The following CDH12 variants were observed in gnomAD, a reference collection of about 807,000 sequenced individuals.
CDH12 encodes the protein cadherin 12, also known as cadherin-12.
A neutral mutation model predicts 74.1 loss-of-function variants in CDH12; 41 were observed. That is an observed-to-expected ratio of 0.55 (90% confidence interval 0.43 to 0.72). The LOEUF (loss-of-function observed/expected upper bound fraction) is 0.72, where lower values mean the gene tolerates loss of function less well. Ranked by LOEUF, CDH12 falls within the 30% of genes least tolerant of loss-of-function variation. The pLI, the probability that CDH12 is intolerant of heterozygous loss-of-function variation, is 0.00. For synonymous variants in CDH12, 399 were observed against 355.0 expected (o/e 1.12, Z -1.39); for missense variants, 945 against 977.2 (o/e 0.97, Z 0.44).
chr5:22,197,761 C>A (rs1448482237), intron 4 of CDH12, among the ~76,000 whole-genome samples: 1 of 152,018 alleles, frequency 6.6e-6, no homozygotes, highest in Non-Finnish European at 1.5e-5. Context: ...GGCTCAATGT[C>A]TCCCAAGATG....
intron 4 of CDH12, among the ~76,000 whole-genome samples, chr5:22,119,611 C>T (rs1220289515): frequency 6.6e-6 from 1 of 152,030 alleles, no homozygotes; most frequent in African/African-American, 2.4e-5. Flanking sequence ...TCTTAAGATG[C>T]ATTGGAAGGA....
chr5:22,179,209 A>G (rs1749503293), intron 4 of CDH12, among the ~76,000 whole-genome samples: 1 of 152,184 alleles, frequency 6.6e-6, no homozygotes, highest in South Asian at 2.1e-4. Flanking sequence ...ATCTATGTAC[A>G]TGGACATGTA....
intron 1 of CDH12, among the ~76,000 whole-genome samples, chr5:22,554,961 G>A (rs1028744295): frequency 1.3e-5 from 2 of 151,990 alleles, no homozygotes; most frequent in Non-Finnish European, 2.9e-5. Context: ...ACAAAAAGCT[G>A]TTTACCCAAA....
At chr5:22,832,983 A>T (rs1207208920) in intron 1 of CDH12, among the ~76,000 whole-genome samples, 1 of 152,192 alleles carries the variant, frequency 6.6e-6, no homozygotes, top group African/African-American at 2.4e-5. Context: ...CATTTTCAAA[A>T]TTCAAAATTT....
chr5:21,782,994 T>A (rs868403594), intron 11 of CDH12, among the ~76,000 whole-genome samples: 4 of 152,238 alleles, frequency 2.6e-5, no homozygotes, highest in South Asian at 2.1e-4. Context: ...ATGGGTGATT[T>A]TACATGATAA....
At position 22,287,882 on chromosome 5, in the gene CDH12, G is replaced by T. The variant is rs190584697; in HGVS notation, c.-332-75239C>A. 1.3e-3 allele frequency among the ~76,000 whole-genome samples: 203 copies of T among 152,198 alleles called. 1 individual carries two copies. Among genetic ancestry groups the T allele is most frequent in the Admixed American group, 4.1e-3 (62 of 15,300 alleles). On this transcript the variant is annotated intron_variant, in intron 3 of 14. Transcript: ENST00000382254. Reference sequence around the variant, plus strand: ...GTTATCAAGATGATGCTTACTAACAGGTTTCTAGAGAAGGGTGTCCATTTC... The same window carrying T: ...GTTATCAAGATGATGCTTACTAACATGTTTCTAGAGAAGGGTGTCCATTTC...
At chr5:22,356,806 T>G (rs1740580809) in intron 3 of CDH12, among the ~76,000 whole-genome samples, 1 of 152,146 alleles carries the variant, frequency 6.6e-6, no homozygotes, top group East Asian at 1.9e-4. Context: ...CTTGGTAAGA[T>G]GAACTGTGTT....
intron 3 of CDH12, among the ~76,000 whole-genome samples, chr5:22,235,774 G>A (rs979172840): frequency 7.9e-5 from 12 of 152,234 alleles, no homozygotes; most frequent in South Asian, 4.1e-4. Flanking sequence ...ATAAGGAAAA[G>A]TTCATACAGT....
At chr5:22,422,683 A>T (rs1743706693) in intron 2 of CDH12, among the ~76,000 whole-genome samples, 1 of 152,170 alleles carries the variant, frequency 6.6e-6, no homozygotes, top group African/African-American at 2.4e-5. Context: ...CTTAAATTCA[A>T]ATATGTGCCA....
intron 4 of CDH12, among the ~76,000 whole-genome samples, chr5:22,107,113 G>A (rs1165383457): frequency 6.6e-6 from 1 of 150,898 alleles, no homozygotes; most frequent in Non-Finnish European, 1.5e-5. Flanking sequence ...TTGGGACAAT[G>A]CCACAATGCC....
chr5:21,851,533 AC>A (rs1409581150), intron 7 of CDH12, among the ~76,000 whole-genome samples: 1 of 150,982 alleles, frequency 6.6e-6, no homozygotes, highest in African/African-American at 2.4e-5. Context: ...AGTATAATAA[AC>A]ATAATTGTTT....
intron 8 of CDH12, among the ~76,000 whole-genome samples, chr5:21,832,080 A>T (rs930458860): frequency 2.0e-5 from 3 of 152,134 alleles, no homozygotes; most frequent in Admixed American, 1.3e-4. Flanking sequence ...AATTTTAAGC[A>T]TTATTTAATA....
At chr5:21,990,514 G>A (rs1309966736) in intron 5 of CDH12, among the ~76,000 whole-genome samples, 1 of 151,638 alleles carries the variant, frequency 6.6e-6, no homozygotes, top group African/African-American at 2.4e-5. Flanking sequence ...AGAGAATTTG[G>A]CTTCACAGTT....
intron 5 of CDH12, among the ~76,000 whole-genome samples, chr5:21,976,839 A>G (rs1021454380): frequency 1.3e-5 from 2 of 152,212 alleles, no homozygotes; most frequent in African/African-American, 2.4e-5. Flanking sequence ...CACACACACA[A>G]AAACTCTGAA....
At chr5:22,518,860 A>T (rs1359019863) in intron 1 of CDH12, among the ~76,000 whole-genome samples, 1 of 152,160 alleles carries the variant, frequency 6.6e-6, no homozygotes, top group Non-Finnish European at 1.5e-5. Context: ...GAGAGAAAGT[A>T]CAGGAATTGG....
chr5:22,108,133 A>G (rs1744596062), intron 4 of CDH12, among the ~76,000 whole-genome samples: 2 of 152,182 alleles, frequency 1.3e-5, no homozygotes, highest in South Asian at 4.1e-4. Flanking sequence ...CCAGGAGGAG[A>G]TAACTGAATC....
At chr5:22,316,551 C>T (rs892680531) in intron 3 of CDH12, among the ~76,000 whole-genome samples, 3 of 151,954 alleles carry the variant, frequency 2.0e-5, no homozygotes, top group Non-Finnish European at 4.4e-5. Flanking sequence ...CAAAAACAAC[C>T]AAATACATGA....
At chr5:22,451,648 T>G (rs1745050514) in intron 2 of CDH12, among the ~76,000 whole-genome samples, 1 of 151,990 alleles carries the variant, frequency 6.6e-6, no homozygotes, top group Admixed American at 6.6e-5. Flanking sequence ...CTATAAGATC[T>G]GGAATGAGAC....
At chr5:22,008,411 T>C (rs1737091008) in intron 5 of CDH12, among the ~76,000 whole-genome samples, 1 of 152,014 alleles carries the variant, frequency 6.6e-6, no homozygotes, top group Admixed American at 6.6e-5. Context: ...TGTATTTCAG[T>C]AGAGATGGAG....
Sources: allele counts gnomAD v4.1 joint callset (sites outside exome capture counted in the v4.1 genomes callset), GRCh38; gene constraint gnomAD v4.1.1; transcripts MANE v1.5; gene names NCBI Gene and HGNC (gene_info 2026-07-23, HGNC 2026-07-21).